The following PALM2AKAP2 variants were observed in gnomAD, a reference collection of about 807,000 sequenced individuals.
PALM2AKAP2 encodes the protein PALM2-AKAP2 fusion protein.
Under a neutral mutation model 71.5 loss-of-function variants are expected in PALM2AKAP2, and 37 were observed. The ratio of observed to expected loss-of-function variants is 0.52; its 90% CI spans 0.40 to 0.68. The LOEUF is 0.68. Ranked by LOEUF, PALM2AKAP2 falls within the 30% of genes least tolerant of loss-of-function variation. The probability of loss-of-function intolerance (pLI) is 0.00; values close to 1 mark genes in which losing one functional copy is unlikely to be tolerated. For synonymous variants in PALM2AKAP2, 468 were observed against 478.8 expected (o/e 0.98, Z 0.29); for missense variants, 1,224 against 1,191.8 (o/e 1.03, Z -0.40).
intron 1 of PALM2AKAP2, among the ~76,000 whole-genome samples, chr9:110,125,057 GAC>G (rs1232415288): frequency 6.6e-6 from 1 of 152,066 alleles, no homozygotes; most frequent in Non-Finnish European, 1.5e-5. Context: ...ATCACACACA[GAC>G]ACACGCACAC....
At chr9:109,711,468 T>G (rs979802570) in intron 1 of PALM2AKAP2, among the ~76,000 whole-genome samples, 1 of 152,236 alleles carries the variant, frequency 6.6e-6, no homozygotes, top group Non-Finnish European at 1.5e-5. Flanking sequence ...TTTGGTGTTG[T>G]GTTATAGATA....
At chr9:109,992,598 A>C (rs1174912477) in intron 6 of PALM2AKAP2, among the ~76,000 whole-genome samples, 1 of 152,030 alleles carries the variant, frequency 6.6e-6, no homozygotes, top group African/African-American at 2.4e-5. Flanking sequence ...TTTGTATTCA[A>C]AGTATCTTTT....
rs530788053 is a variant in PALM2AKAP2 at position 109,836,560 on chromosome 9, T to C, written c.46-30931T>C. Among the ~76,000 whole-genome samples, 7 of 152,310 alleles carry C rather than the reference T, an allele frequency of 4.6e-5. 1 individual carries two copies. The South Asian group carries it at 1.2e-3, about 27-fold the overall frequency. The stretch of plus-strand genomic sequence containing the variant: ...CTTTGATGAGTTGAGAGAAGAAGGC[T>C]TCAGATGATCAAACTTCTCCGAGCT... On this transcript the variant is annotated intron_variant, in intron 1 of 9. Transcript: ENST00000302798.
intron 1 of PALM2AKAP2, among the ~76,000 whole-genome samples, chr9:110,070,657 A>C (rs1363569692): frequency 6.6e-6 from 1 of 152,148 alleles, no homozygotes; most frequent in Non-Finnish European, 1.5e-5. Flanking sequence ...TGTTCTGCTT[A>C]ATACATGTTT....
rs138398165 is a variant in PALM2AKAP2 at position 109,922,023 on chromosome 9, T to C, written c.258-1712T>C. 1.6e-4 allele frequency among the ~76,000 whole-genome samples: 25 copies of C among 152,236 alleles called. No individual in the cohort carries two copies. In the East Asian group the frequency reaches 4.8e-3, roughly 29 times the overall value. The stretch of plus-strand genomic sequence containing the variant: ...GGGCACAGTATGTCGCTAAATAAAT[T>C]CATGCCTGGATCTTGGTGTTCCTTA... On this transcript the variant is annotated intron_variant, in intron 3 of 9. Transcript: ENST00000302798.
chr9:110,041,832 T>C (rs1387327021), intron 7 of PALM2AKAP2, among the ~76,000 whole-genome samples: 1 of 152,202 alleles, frequency 6.6e-6, no homozygotes, highest in Non-Finnish European at 1.5e-5. Flanking sequence ...TGTCACAGAA[T>C]CAGATGGAAA....
chr9:109,760,239 T>C (rs1564137533), intron 1 of PALM2AKAP2: 1 of 152,196 alleles, frequency 6.6e-6, no homozygotes, highest in Non-Finnish European at 1.5e-5. Flanking sequence ...TTGTGGAATT[T>C]AGGTTAAGCA....
chr9:110,141,185 T>A (rs1324261614), intron 2 of PALM2AKAP2, among the ~76,000 whole-genome samples: 1 of 152,154 alleles, frequency 6.6e-6, no homozygotes, highest in Non-Finnish European at 1.5e-5. Context: ...CTTAAACAAG[T>A]CAGCATCCTA....
In PALM2AKAP2 at chr9:109,802,173, G is replaced by GCC. The variant is rs1479328045; in HGVS notation, c.45+21641_45+21642dup. On this transcript the variant is annotated intron_variant, in intron 1 of 9. Coordinates refer to the PALM2AKAP2 transcript ENST00000302798. ...AGCAATAATCCTAGTCTTAATTTTA[G>GCC]CCTCTTCTGGGCATCTGAAATGGGG... Among the ~76,000 whole-genome samples, 6 of 152,270 alleles carry GCC rather than the reference G, an allele frequency of 3.9e-5. No individual in the cohort carries two copies. In the South Asian group the frequency reaches 6.2e-4, roughly 16 times the overall value.
intron 3 of PALM2AKAP2, among the ~76,000 whole-genome samples, chr9:109,883,545 T>A (rs1238204853): frequency 6.6e-6 from 1 of 152,220 alleles, no homozygotes; most frequent in Non-Finnish European, 1.5e-5. Flanking sequence ...CTTCTGCTTC[T>A]CTTCATCTTG....
At chr9:109,655,152 C>T (rs1453143241) in intron 1 of PALM2AKAP2, among the ~76,000 whole-genome samples, 2 of 151,888 alleles carry the variant, frequency 1.3e-5, no homozygotes, top group Non-Finnish European at 2.9e-5. Flanking sequence ...AAAAATTAGC[C>T]GGGTGTGGTG....
At chr9:109,810,708 A>C (rs924290172) in intron 1 of PALM2AKAP2, among the ~76,000 whole-genome samples, 3 of 152,192 alleles carry the variant, frequency 2.0e-5, no homozygotes, top group Non-Finnish European at 4.4e-5. Flanking sequence ...TTTTAGAGAT[A>C]TGACAGTATG....
chr9:110,005,280 G>C (rs932405155), intron 6 of PALM2AKAP2, among the ~76,000 whole-genome samples: 5 of 152,210 alleles, frequency 3.3e-5, no homozygotes, highest in Non-Finnish European at 5.9e-5. Context: ...TTGGAGTTTG[G>C]TGAAAGTCCA....
intron 3 of PALM2AKAP2, 63 bp downstream of exon 10, chr9:110,162,195 G>A (rs1282017770): frequency 2.5e-6 from 4 of 1,600,062 alleles, no homozygotes; most frequent in Non-Finnish European, 3.4e-6. Context: ...TGCTGTTGTG[G>A]TTTGCCATTT....
chr9:109,865,492 G>C (rs575673263), intron 1 of PALM2AKAP2, among the ~76,000 whole-genome samples: 4 of 152,158 alleles, frequency 2.6e-5, no homozygotes, highest in Non-Finnish European at 4.4e-5. Flanking sequence ...CCTGCTGCTT[G>C]AGCATGTAAA....
At chr9:109,750,282 G>C (rs1188511704) in intron 1 of PALM2AKAP2, among the ~76,000 whole-genome samples, 2 of 152,144 alleles carry the variant, frequency 1.3e-5, no homozygotes, top group African/African-American at 4.8e-5. Context: ...AATATGGTGG[G>C]GGCACATGGC....
chr9:109,676,510 G>T (rs147314729), intron 1 of PALM2AKAP2, among the ~76,000 whole-genome samples: 1 of 152,154 alleles, frequency 6.6e-6, no homozygotes, highest in Non-Finnish European at 1.5e-5. Flanking sequence ...TTTTATCATC[G>T]TTGAGACTTT....
chr9:109,833,976 G>T (rs1437236040), intron 1 of PALM2AKAP2, among the ~76,000 whole-genome samples: 1 of 152,212 alleles, frequency 6.6e-6, no homozygotes, highest in Non-Finnish European at 1.5e-5. Context: ...ACTTCGGGAG[G>T]CCAAGGCGGG....
chr9:109,867,595 T>C (rs765284708), intron 2 of PALM2AKAP2, 24 bp downstream of exon 2: 10 of 1,605,362 alleles, frequency 6.2e-6, no homozygotes, highest in Non-Finnish European at 8.5e-6. Context: ...CCCAGGAACC[T>C]ATTCCATTAT....
Sources: allele counts gnomAD v4.1 joint callset (sites outside exome capture counted in the v4.1 genomes callset), GRCh38; gene constraint gnomAD v4.1.1; transcripts MANE v1.5; gene names NCBI Gene and HGNC (gene_info 2026-07-23, HGNC 2026-07-21).